The following STEAP1B variants were observed in gnomAD, a reference collection of about 807,000 sequenced individuals.
STEAP1B encodes STEAP family member 1B.
In STEAP1B, 13 loss-of-function variants were observed where a neutral mutation model predicts 27.9. The observed-to-expected ratio is 0.47, with a 90% CI of 0.30 to 0.74. STEAP1B has a LOEUF of 0.74. Ranked by LOEUF, STEAP1B falls within the 30% of genes least tolerant of loss-of-function variation. The probability of loss-of-function intolerance (pLI) is 0.06; values close to 1 mark genes in which losing one functional copy is unlikely to be tolerated. For synonymous variants in STEAP1B, 86 were observed against 107.1 expected (o/e 0.80, Z 1.22); for missense variants, 250 against 298.7 (o/e 0.84, Z 1.20).
intron 4 of STEAP1B, among the ~76,000 whole-genome samples, chr7:22,459,406 C>T (rs1043976788): frequency 6.6e-6 from 1 of 152,194 alleles, no homozygotes; most frequent in East Asian, 1.9e-4. Context: ...TCAGTGTCAA[C>T]TTTAAAGGAA....
intron 4 of STEAP1B, among the ~76,000 whole-genome samples, chr7:22,457,900 T>C (rs991475571): frequency 6.6e-6 from 1 of 152,214 alleles, no homozygotes; most frequent in East Asian, 1.9e-4. Flanking sequence ...TACTCTGCAA[T>C]GAAATCTGCA....
chr7:22,485,390 T>C (rs926515060), intron 4 of STEAP1B, among the ~76,000 whole-genome samples: 1 of 152,242 alleles, frequency 6.6e-6, no homozygotes, highest in Non-Finnish European at 1.5e-5. Flanking sequence ...CAGATGATTA[T>C]CAGCATTTTT....
chr7:22,488,805 T>C (rs1786265759), intron 4 of STEAP1B, among the ~76,000 whole-genome samples: 1 of 152,148 alleles, frequency 6.6e-6, no homozygotes. Context: ...TACACCCCAG[T>C]CATGCAGCCC....
intron 4 of STEAP1B, among the ~76,000 whole-genome samples, chr7:22,454,825 T>C (rs1785545368): frequency 4.7e-5 from 2 of 42,280 alleles, no homozygotes; most frequent in Admixed American, 3.2e-4. Context: ...GCAAAGAAAA[T>C]ATTATATATA....
intron 4 of STEAP1B, among the ~76,000 whole-genome samples, chr7:22,454,694 G>A (rs904639790): frequency 6.6e-6 from 1 of 151,816 alleles, no homozygotes; most frequent in Non-Finnish European, 1.5e-5. Flanking sequence ...TGCAGGAGCT[G>A]GATGCTAGAG....
At chr7:22,424,368 C>T (rs1157166007) in intron 4 of STEAP1B, among the ~76,000 whole-genome samples, 1 of 152,152 alleles carries the variant, frequency 6.6e-6, no homozygotes, top group Non-Finnish European at 1.5e-5. Flanking sequence ...CAAACTAGCT[C>T]ACCACCCCTT....
At chr7:22,466,683 C>T (rs891647483) in intron 4 of STEAP1B, among the ~76,000 whole-genome samples, 49 of 152,266 alleles carry the variant, frequency 3.2e-4, no homozygotes, top group African/African-American at 1.1e-3. Flanking sequence ...CTTGTCCAAA[C>T]AATTGTTAAA....
intron 4 of STEAP1B, among the ~76,000 whole-genome samples, chr7:22,431,622 C>T (rs1025218742): frequency 2.0e-5 from 3 of 152,234 alleles, no homozygotes; most frequent in African/African-American, 7.2e-5. Flanking sequence ...CCACTCTCTG[C>T]CCTAAGAAGC....
chr7:22,456,917 G>A (rs1295245882), intron 4 of STEAP1B, among the ~76,000 whole-genome samples: 1 of 136,816 alleles, frequency 7.3e-6, no homozygotes, highest in Non-Finnish European at 1.5e-5. Flanking sequence ...CTGCACCGCA[G>A]ACCACCTGAT....
intron 4 of STEAP1B, among the ~76,000 whole-genome samples, chr7:22,478,625 T>C (rs1786014348): frequency 6.6e-6 from 1 of 152,216 alleles, no homozygotes; most frequent in Non-Finnish European, 1.5e-5. Flanking sequence ...TGAGAATACT[T>C]AACTCACTGG....
intron 4 of STEAP1B, among the ~76,000 whole-genome samples, chr7:22,458,688 T>G (rs1407855214): frequency 2.0e-5 from 3 of 152,072 alleles, no homozygotes; most frequent in Non-Finnish European, 1.5e-5. Context: ...CCCAAGAAGC[T>G]TGGAGGGGAA....
intron 4 of STEAP1B, among the ~76,000 whole-genome samples, chr7:22,487,804 C>CAAAAAAA (rs200447382): frequency 1.1e-3 from 93 of 80,872 alleles, no homozygotes; most frequent in Non-Finnish European, 1.5e-3. Context: ...AAACTCCACC[C>CAAAAAAA]AAAAAAAAAA....
At chr7:22,432,900 A>C (rs1189059016) in intron 4 of STEAP1B, among the ~76,000 whole-genome samples, 1 of 152,338 alleles carries the variant, frequency 6.6e-6, no homozygotes, top group East Asian at 1.9e-4. Context: ...GTCTCTTGTT[A>C]GAGAAATGCT....
At chr7:22,492,049 C>T (rs1389687997) in intron 4 of STEAP1B, among the ~76,000 whole-genome samples, 3 of 152,082 alleles carry the variant, frequency 2.0e-5, no homozygotes, top group Admixed American at 1.3e-4. Flanking sequence ...AGGCCGGGCG[C>T]GGTGGCTCAC....
At chr7:22,438,782 T>G in intron 4 of STEAP1B, 1 of 1,536,690 alleles carries the variant, frequency 6.5e-7, no homozygotes, top group Non-Finnish European at 8.8e-7. Context: ...AATGATACAT[T>G]TGGTGCCTGT....
chr7:22,464,948 C>CATATATATATATATATATAAATATATAT (rs75308240), intron 4 of STEAP1B, among the ~76,000 whole-genome samples: 1 of 45,012 alleles, frequency 2.2e-5, no homozygotes, highest in Non-Finnish European at 5.2e-5. Flanking sequence ...TACCAAACCC[C>CATATATATATATATATATAAATATATAT]ATATATATAT....
chr7:22,439,408 A>C (rs545515239), intron 4 of STEAP1B, among the ~76,000 whole-genome samples: 11 of 152,318 alleles, frequency 7.2e-5, no homozygotes, highest in African/African-American at 2.4e-4. Flanking sequence ...GATACTTCAG[A>C]TTATCAGCTA....
At chr7:22,456,972 A>ATATATATATATATTTTTTTTTTTT in intron 4 of STEAP1B, among the ~76,000 whole-genome samples, 4 of 57,042 alleles carry the variant, frequency 7.0e-5, no homozygotes, top group African/African-American at 2.8e-4. Context: ...ATATATATAT[A>ATATATATATATATTTTTTTTTTTT]TTTTTTTTTT....
intron 4 of STEAP1B, among the ~76,000 whole-genome samples, chr7:22,483,374 A>G (rs189212860): frequency 3.0e-4 from 46 of 152,360 alleles, no homozygotes; most frequent in African/African-American, 1.1e-3. Flanking sequence ...TTACAAAAAC[A>G]GGAAACGTGG....
Sources: gnomAD v4.1 joint callset for allele counts (sites outside exome capture counted in the v4.1 genomes callset) on GRCh38, gnomAD v4.1.1 for gene constraint, MANE v1.5 for transcripts, NCBI Gene and HGNC (gene_info 2026-07-23, HGNC 2026-07-21) for gene names.